HECA: variants seen among roughly 807,000 people sequenced by gnomAD.
HECA encodes the protein HECA ribonucleoprotein granule regulator.
Under a neutral mutation model 37.6 loss-of-function variants are expected in HECA, and 13 were observed. That is an observed-to-expected ratio of 0.35 (90% CI 0.23 to 0.55). The LOEUF (loss-of-function observed/expected upper bound fraction) is 0.55. HECA is among the 20% of genes least tolerant of loss of function. The pLI, the probability that HECA is intolerant of heterozygous loss-of-function variation, is 0.90. For synonymous variants in HECA, 307 were observed against 291.5 expected (o/e 1.05, Z -0.54); for missense variants, 527 against 701.9 (o/e 0.75, Z 2.82).
At position 139,166,281 on chromosome 6, in the gene HECA, C is replaced by T. The variant is rs760359514; in HGVS notation, c.272-3C>T. ...ATCTGTTCTCTCTTTATTCCTCCCC[C>T]AGAAGCCCCATGTGCCACTCCCCTG... On this transcript the variant is annotated splice_polypyrimidine_tract_variant and splice_region_variant and intron_variant, in intron 1 of 3. Transcript: ENST00000367658. The T allele has an allele frequency of 6.3e-7, 1 of 1,585,744 alleles. No individual in the cohort carries two copies. Among genetic ancestry groups the T allele is most frequent in the Non-Finnish European group, 8.6e-7 (1 of 1,164,342 alleles).
rs555611707 is a variant in HECA at position 139,161,873 on chromosome 6, T to C, written c.272-4411T>C. Reference sequence around the variant, plus strand: ...ACACTTAATAATTGACCAATTAACATTTTAAAGGCCTCTAAAGGTCACAGC... The same window carrying C: ...ACACTTAATAATTGACCAATTAACACTTTAAAGGCCTCTAAAGGTCACAGC... On this transcript the variant is annotated intron_variant, in intron 1 of 3. Transcript: ENST00000367658. Among the ~76,000 whole-genome samples, 32 of 152,304 alleles carry C rather than the reference T, an allele frequency of 2.1e-4. No homozygotes were observed. In the South Asian group the frequency reaches 6.2e-3, roughly 30 times the overall value.
chr6:139,174,254 T>C, intron 2 of HECA, 131 bp from the exon 3 acceptor site: 2 of 1,059,878 alleles, frequency 1.9e-6, no homozygotes, highest in Non-Finnish European at 1.3e-6. Context: ...TAAATATTGA[T>C]TTTTCTTTTT....
intron 1 of HECA, among the ~76,000 whole-genome samples, chr6:139,146,474 A>C (rs971671471): frequency 3.3e-5 from 5 of 152,252 alleles, no homozygotes; most frequent in Non-Finnish European, 7.3e-5. Context: ...GTATAACACA[A>C]CTTCTTATTA....
chr6:139,148,467 G>C (rs1207177741), intron 1 of HECA, among the ~76,000 whole-genome samples: 1 of 152,182 alleles, frequency 6.6e-6, no homozygotes, highest in Non-Finnish European at 1.5e-5. Context: ...CTGTTTCTCA[G>C]AATTGGTTGC....
chr6:139,162,258 T>C (rs1055439509), intron 1 of HECA, among the ~76,000 whole-genome samples: 4 of 152,102 alleles, frequency 2.6e-5, no homozygotes, highest in Non-Finnish European at 5.9e-5. Flanking sequence ...GGGGCAATCC[T>C]GGTAAAATTG....
chr6:139,159,642 A>G (rs540849669), intron 1 of HECA, among the ~76,000 whole-genome samples: 1 of 152,132 alleles, frequency 6.6e-6, no homozygotes, highest in African/African-American at 2.4e-5. Context: ...CCATGGGTTC[A>G]CCCTCTCTCT....
intron 1 of HECA, among the ~76,000 whole-genome samples, chr6:139,140,763 G>A (rs1774503384): frequency 6.6e-6 from 1 of 152,158 alleles, no homozygotes; most frequent in Admixed American, 6.5e-5. Context: ...AAAAAAATCT[G>A]TCCTAACTGA....
chr6:139,143,975 G>A (rs1349335410), intron 1 of HECA, among the ~76,000 whole-genome samples: 2 of 152,150 alleles, frequency 1.3e-5, no homozygotes, highest in Non-Finnish European at 2.9e-5. Flanking sequence ...TTAAATATAA[G>A]TATTGGATTT....
chr6:139,158,802 A>G (rs1000457733), intron 1 of HECA, among the ~76,000 whole-genome samples: 7 of 152,154 alleles, frequency 4.6e-5, no homozygotes, highest in African/African-American at 1.4e-4. Flanking sequence ...GGCCAGGCAC[A>G]GTGGCCCATG....
At chr6:139,154,211 GAC>G (rs2114451549) in intron 1 of HECA, among the ~76,000 whole-genome samples, 1 of 152,324 alleles carries the variant, frequency 6.6e-6, no homozygotes, top group Admixed American at 6.5e-5. Flanking sequence ...GTTCAATACA[GAC>G]ACAACCATCT....
chr6:139,150,829 TTA>T (rs1007004715), intron 1 of HECA, among the ~76,000 whole-genome samples: 1 of 152,220 alleles, frequency 6.6e-6, no homozygotes, highest in African/African-American at 2.4e-5. Flanking sequence ...TATCACTAGC[TTA>T]AACTATCAAT....
At chr6:139,155,785 CT>C (rs1487287998) in intron 1 of HECA, 1 of 152,118 alleles carries the variant, frequency 6.6e-6, no homozygotes, top group East Asian at 1.9e-4. Context: ...AGGCAGCCTG[CT>C]AATTTCTTTT....
chr6:139,174,797 G>A (rs1022998096), intron 3 of HECA, among the ~76,000 whole-genome samples: 1 of 152,092 alleles, frequency 6.6e-6, no homozygotes, highest in African/African-American at 2.4e-5. Context: ...ATAATAATAT[G>A]CTTGCATTTG....
rs1775071314 is a variant in HECA at position 139,177,636 on chromosome 6, G to A, written c.*531G>A. The A allele has an allele frequency of 2.0e-5, 3 of 152,684 alleles. No individual in the cohort carries two copies. The South Asian group carries it at 6.2e-4, about 32-fold the overall frequency. 9.5% of individuals were successfully genotyped at this position (152,684 alleles called of 1,614,324 possible). ...ACTCACACTGACAGGTGACCTGAAA[G>A]TGGCACAAGTGCTGTTTCTATCACT... On this transcript the variant is annotated 3_prime_UTR_variant, in exon 4 of 4. Coordinates refer to ENST00000367658, the MANE Select transcript of HECA (RefSeq NM_016217.3). This position sits in a 1 kb window ranked among gnomAD's most constrained non-coding sequence, Gnocchi z 4.9.
At chr6:139,149,652 G>A (rs577102931) in intron 1 of HECA, among the ~76,000 whole-genome samples, 1 of 152,296 alleles carries the variant, frequency 6.6e-6, no homozygotes, top group East Asian at 1.9e-4. Flanking sequence ...TTCTCTGCAA[G>A]TTTGGATCTG....
At chr6:139,141,252 T>G (rs1361643725) in intron 1 of HECA, among the ~76,000 whole-genome samples, 1 of 152,242 alleles carries the variant, frequency 6.6e-6, no homozygotes, top group Non-Finnish European at 1.5e-5. Flanking sequence ...TATTTTGATA[T>G]ATGTTCTTGC....
chr6:139,158,670 C>CAAAAA (rs4052916), intron 1 of HECA, among the ~76,000 whole-genome samples: 1 of 123,158 alleles, frequency 8.1e-6, no homozygotes. Context: ...GACCCTGTCT[C>CAAAAA]AAAAAAAAAA....
In HECA at chr6:139,177,999, T is replaced by A. The variant is rs1775075536; in HGVS notation, c.*894T>A. 6.6e-6 allele frequency: 1 copy of A among 152,202 alleles called. No individual in the cohort carries two copies. Among genetic ancestry groups the A allele is most frequent in the African/African-American group, 2.4e-5 (1 of 41,452 alleles). 9.4% of individuals were successfully genotyped at this position (152,202 alleles called of 1,614,324 possible). A position where few individuals can be genotyped will look rare whatever the true frequency, so the allele number is the denominator to read the frequency against. On this transcript the variant is annotated 3_prime_UTR_variant, in exon 4 of 4. Transcript: ENST00000367658. The surrounding 1 kb of genome is among the most constrained non-coding windows in gnomAD (Gnocchi z 4.9). Reference sequence around the variant, plus strand: ...ACTGGTGAGCTTCAGAACCAATAATTGCCACATTTATTGTCCTCAAAATTG... The same window carrying A: ...ACTGGTGAGCTTCAGAACCAATAATAGCCACATTTATTGTCCTCAAAATTG...
chr6:139,173,881 G>A (rs1428180241), intron 2 of HECA, among the ~76,000 whole-genome samples: 2 of 152,170 alleles, frequency 1.3e-5, no homozygotes, highest in African/African-American at 4.8e-5. Context: ...TGAGGACAAG[G>A]ATAGTTAACA....
Sources: gnomAD v4.1 joint callset for allele counts (sites outside exome capture counted in the v4.1 genomes callset) on GRCh38, gnomAD v4.1.1 for gene constraint, Gnocchi (gnomAD v3.1) non-coding constraint, MANE v1.5 for transcripts, NCBI Gene and HGNC (gene_info 2026-07-23, HGNC 2026-07-21) for gene names.